The following TRAPPC9 variants were observed in gnomAD, a reference collection of about 807,000 sequenced individuals.
TRAPPC9 encodes trafficking protein particle complex subunit 9, also known as IKK2 binding protein.
TRAPPC9 carries 83 observed loss-of-function variants against 124.0 expected under a neutral mutation model. That is an observed-to-expected ratio of 0.67 (90% CI 0.56 to 0.80). The LOEUF (loss-of-function observed/expected upper bound fraction) is 0.80, where lower values mean the gene tolerates loss of function less well. Ranked by LOEUF, TRAPPC9 falls within the 30% of genes least tolerant of loss-of-function variation. TRAPPC9 has a pLI of 0.00. For missense variants in TRAPPC9, 1,302 were observed against 1,508.3 expected, an observed-to-expected ratio of 0.86 and a Z score of 2.27; for synonymous variants, 638 against 617.5, an observed-to-expected ratio of 1.03 and a Z score of -0.49.
At chr8:140,443,547 A>T (rs930510136) in intron 2 of TRAPPC9, among the ~76,000 whole-genome samples, 1 of 152,150 alleles carries the variant, frequency 6.6e-6, no homozygotes, top group Non-Finnish European at 1.5e-5. Flanking sequence ...ATGTAAATAC[A>T]GTAAGTATAC....
intron 21 of TRAPPC9, among the ~76,000 whole-genome samples, chr8:139,738,746 C>A (rs1262032240): frequency 2.6e-5 from 4 of 152,306 alleles, no homozygotes; most frequent in Non-Finnish European, 5.9e-5. Flanking sequence ...AGGACACACA[C>A]AGAGCCCCCA....
intron 21 of TRAPPC9, among the ~76,000 whole-genome samples, chr8:139,740,219 T>G (rs1818463450): frequency 6.6e-6 from 1 of 152,258 alleles, no homozygotes; most frequent in African/African-American, 2.4e-5. Flanking sequence ...CTCCTGTCCC[T>G]GGCCCTGCTT....
intron 21 of TRAPPC9, among the ~76,000 whole-genome samples, chr8:139,842,390 G>C (rs1298205821): frequency 6.6e-6 from 1 of 152,104 alleles, no homozygotes; most frequent in Non-Finnish European, 1.5e-5. Flanking sequence ...CCAGGCCTCC[G>C]CACTCCACAT....
At chr8:140,259,329 G>T (rs1348369577) in intron 15 of TRAPPC9, among the ~76,000 whole-genome samples, 1 of 152,108 alleles carries the variant, frequency 6.6e-6, no homozygotes, top group Non-Finnish European at 1.5e-5. Context: ...GCCTCTAGTG[G>T]AACACCATCC....
intron 19 of TRAPPC9, among the ~76,000 whole-genome samples, chr8:139,945,107 G>A (rs1834126237): frequency 6.6e-6 from 1 of 152,154 alleles, no homozygotes; most frequent in Non-Finnish European, 1.5e-5. Context: ...CTATGCAACA[G>A]AGTGAGACTC....
chr8:140,049,515 C>T (rs935141797), intron 17 of TRAPPC9, among the ~76,000 whole-genome samples: 1 of 151,990 alleles, frequency 6.6e-6, no homozygotes, highest in Non-Finnish European at 1.5e-5. Context: ...GCCCACCTCT[C>T]ATCAAGCATG....
intron 19 of TRAPPC9, among the ~76,000 whole-genome samples, 159 bp from the exon 20 acceptor site, chr8:139,910,459 T>G (rs1287739819): frequency 6.6e-6 from 1 of 152,172 alleles, no homozygotes; most frequent in East Asian, 1.9e-4. Context: ...AATAGACTCC[T>G]AAGGTGGCCC....
intron 20 of TRAPPC9, among the ~76,000 whole-genome samples, chr8:139,905,951 G>A (rs57931306): frequency 0.28 from 43,042 of 151,270 alleles, 6,268 homozygotes; most frequent in East Asian, 0.39. Context: ...AAAATTAGCC[G>A]GGCGTGGTGG....
intron 7 of TRAPPC9, among the ~76,000 whole-genome samples, chr8:140,393,762 T>A (rs994241357): frequency 2.0e-5 from 3 of 152,224 alleles, no homozygotes; most frequent in African/African-American, 7.2e-5. Flanking sequence ...GGAACATACT[T>A]GATCAAGAAC....
chr8:140,031,323 C>T (rs1206045820), intron 17 of TRAPPC9, among the ~76,000 whole-genome samples: 1 of 152,196 alleles, frequency 6.6e-6, no homozygotes. Context: ...CCAGATGTTG[C>T]CTGAGGTTTT....
At chr8:140,059,581 G>T (rs955723049) in intron 17 of TRAPPC9, among the ~76,000 whole-genome samples, 1 of 152,328 alleles carries the variant, frequency 6.6e-6, no homozygotes, top group East Asian at 1.9e-4. Context: ...GTACAGGTGC[G>T]TTCCACCTAT....
chr8:140,343,725 G>A (rs1028627548), intron 9 of TRAPPC9, among the ~76,000 whole-genome samples: 2 of 152,158 alleles, frequency 1.3e-5, no homozygotes, highest in African/African-American at 4.8e-5. Flanking sequence ...GCCTCCCCGG[G>A]GTCCCTGCAA....
At chr8:139,958,759 C>G (rs1159578152) in intron 19 of TRAPPC9, among the ~76,000 whole-genome samples, 1 of 152,256 alleles carries the variant, frequency 6.6e-6, no homozygotes, top group East Asian at 1.9e-4. Context: ...GTGCAGTCAG[C>G]TTCCTTAGAC....
chr8:139,953,446 C>T (rs1225481185), intron 19 of TRAPPC9, among the ~76,000 whole-genome samples: 2 of 152,096 alleles, frequency 1.3e-5, no homozygotes, highest in African/African-American at 4.8e-5. Flanking sequence ...GAGCCGAGAT[C>T]GTGCCACTGC....
chr8:140,220,065 A>G (rs568264490), intron 17 of TRAPPC9, among the ~76,000 whole-genome samples: 73 of 152,318 alleles, frequency 4.8e-4, no homozygotes, highest in African/African-American at 1.7e-3. Context: ...AGGAAGGAGA[A>G]AATCACCAAC....
At chr8:140,102,899 C>A (rs7828356) in intron 17 of TRAPPC9, among the ~76,000 whole-genome samples, 4 of 152,080 alleles carry the variant, frequency 2.6e-5, no homozygotes, top group East Asian at 1.9e-4. Context: ...CTCAACCCCC[C>A]ACATGCCTGT....
chr8:140,303,928 G>A (rs546889577), intron 10 of TRAPPC9, among the ~76,000 whole-genome samples: 167 of 152,170 alleles, frequency 1.1e-3, no homozygotes, highest in South Asian at 1.5e-3. Flanking sequence ...CAGTAAATTC[G>A]TTTATGTTTA....
intron 19 of TRAPPC9, among the ~76,000 whole-genome samples, chr8:139,971,746 T>TACACACACACAC (rs1554419388): frequency 6.4e-4 from 10 of 15,692 alleles, no homozygotes; most frequent in African/African-American, 8.0e-4. Flanking sequence ...CACATATATA[T>TACACACACACAC]ATACACACAC....
At chr8:140,163,804 G>T (rs2061788782) in intron 17 of TRAPPC9, among the ~76,000 whole-genome samples, 1 of 152,138 alleles carries the variant, frequency 6.6e-6, no homozygotes, top group Non-Finnish European at 1.5e-5. Flanking sequence ...CATGGATAAG[G>T]TCAATGCAAA....
Sources: allele counts gnomAD v4.1 joint callset (sites outside exome capture counted in the v4.1 genomes callset), GRCh38; gene constraint gnomAD v4.1.1; transcripts MANE v1.5; gene names NCBI Gene and HGNC (gene_info 2026-07-23, HGNC 2026-07-21).